ZSCAN26: variants seen among roughly 807,000 people sequenced by gnomAD.
ZSCAN26 encodes zinc finger and SCAN domain-containing protein 26.
In ZSCAN26, 26 loss-of-function variants were observed where a neutral mutation model predicts 23.0. The ratio of observed to expected loss-of-function variants is 1.13; its 90% CI spans 0.83 to 1.57. ZSCAN26 has a LOEUF of 1.57. ZSCAN26 is among the 40% of genes most tolerant of loss of function. The pLI, the probability that ZSCAN26 is intolerant of heterozygous loss-of-function variation, is 0.00. For missense variants in ZSCAN26, 528 were observed against 568.5 expected, an observed-to-expected ratio of 0.93 and a Z score of 0.72; for synonymous variants, 180 against 202.5, an observed-to-expected ratio of 0.89 and a Z score of 0.94.
In ZSCAN26 at chr6:28,272,009, T is replaced by C; in HGVS notation, c.90T>C (p.Ser30=). The C allele has an allele frequency of 6.4e-7, 1 of 1,551,730 alleles. No individual in the cohort carries two copies. Among genetic ancestry groups the C allele is most frequent in the Non-Finnish European group, 8.7e-7 (1 of 1,146,998 alleles). ...GLRVVREDHY[S]TWEQGFKLQG... is the part of the protein sequence containing the mutation. ...GGGTAGTGAGGGAGGATCACTACTC[T>C]ACTTGGGAACAGGGATTCAAGCTGC... The change falls in exon 2 of 4, where the codon TCT becomes TCC. Residue 30 remains serine (S), a synonymous_variant. Coordinates refer to ENST00000421553, the MANE Select transcript of ZSCAN26 (RefSeq NM_001023560.4).
Position 28,276,719 on chromosome 6 carries a change from A to G in ZSCAN26, c.1063A>G (p.Asn355Asp). Residue 355 changes from asparagine to aspartate, a missense_variant, in exon 4 of 4, where the codon AAT (asparagine) becomes GAT (aspartate). Transcript: ENST00000421553. The part of the protein sequence containing the change: ...GKNFRRSSHL[N>D]RHQRIHSQEE... ...AAATTTTAGGCGCAGCTCTCACCTT[A>G]ATCGACATCAGAGAATTCACAGTCA... 3 of 1,613,546 alleles carry G rather than the reference A, an allele frequency of 1.9e-6. No individual in the cohort carries two copies. The African/African-American group carries it at 4.0e-5, about 22-fold the overall frequency.
intron 3 of ZSCAN26, among the ~76,000 whole-genome samples, chr6:28,274,117 A>C (rs192495672): frequency 6.6e-6 from 1 of 151,158 alleles, no homozygotes; most frequent in Admixed American, 6.6e-5. Context: ...AACTAATTAC[A>C]TTATATTGCA....
At position 28,276,461 on chromosome 6, in the gene ZSCAN26, A is replaced by G; in HGVS notation, c.805A>G (p.Ser269Gly). 1 of 1,614,008 alleles carries G rather than the reference A, an allele frequency of 6.2e-7. No homozygotes were observed. Residue 269 changes from serine (S) to glycine (G), a missense_variant, in exon 4 of 4, where the codon AGT (serine) becomes GGT (glycine). Ser to Gly is a moderately conservative substitution (Grantham distance 56). Transcript: ENST00000421553. ...CGAGTCTGATGTGTGTCAGAGTTCC[A>G]GTCTTACAGGACATAAGAAAGTCCT... Reference protein sequence around the residue: ...LCESDVCQSSSLTGHKKVLSR... With the variant: ...LCESDVCQSSGLTGHKKVLSR...
chr6:28,271,177 A>G (rs1201069653), intron 1 of ZSCAN26, among the ~76,000 whole-genome samples: 1 of 151,672 alleles, frequency 6.6e-6, no homozygotes, highest in Non-Finnish European at 1.5e-5. Flanking sequence ...TTCTCCTCCT[A>G]CCTTTCCAGT....
intron 1 of ZSCAN26, among the ~76,000 whole-genome samples, chr6:28,271,266 A>G (rs1428116666): frequency 6.6e-6 from 1 of 152,148 alleles, no homozygotes; most frequent in Non-Finnish European, 1.5e-5. Flanking sequence ...GCCATAACTA[A>G]CTACTACACT....
At chr6:28,274,628 C>A (rs912129165) in intron 3 of ZSCAN26, among the ~76,000 whole-genome samples, 2 of 152,046 alleles carry the variant, frequency 1.3e-5, no homozygotes, top group African/African-American at 4.8e-5. Context: ...TAGTTCTAGC[C>A]ACTTGGGAGG....
At chr6:28,276,162 C>T (rs1382899366) in intron 3 of ZSCAN26, 33 bp from the exon 4 acceptor site, 1 of 1,527,044 alleles carries the variant, frequency 6.5e-7, no homozygotes, top group Admixed American at 2.1e-5. Flanking sequence ...CATCAAAAGA[C>T]AAGTAATTGG....
intron 3 of ZSCAN26, among the ~76,000 whole-genome samples, chr6:28,273,687 ATT>A (rs201094186): frequency 8.0e-5 from 11 of 137,840 alleles, no homozygotes; most frequent in Admixed American, 2.9e-4. Flanking sequence ...CGTCACCTGG[ATT>A]TTTTTTTTTT....
chr6:28,274,600 C>T (rs900473832), intron 3 of ZSCAN26, among the ~76,000 whole-genome samples: 3 of 152,076 alleles, frequency 2.0e-5, no homozygotes, highest in South Asian at 2.1e-4. Flanking sequence ...AATAGCTAGG[C>T]GTGGTGGCAT....
Position 28,272,170 on chromosome 6 carries a change from C to T in ZSCAN26, c.251C>T (p.Thr84Ile). 6.2e-7 allele frequency: 1 copy of T among 1,613,782 alleles called. No homozygotes were observed. ...TGTCAACAGTGGCTACAGCCCGAGA[C>T]CCATACCAAGGAGCAGATCCTGGAG... Reference protein sequence around the residue: ...ELCQQWLQPETHTKEQILELL... With the variant: ...ELCQQWLQPEIHTKEQILELL... The change falls in exon 2 of 4, where the codon ACC (threonine) becomes ATC (isoleucine). Residue 84 changes from threonine (T) to isoleucine (I), a missense_variant. Thr to Ile is a moderately conservative substitution (Grantham distance 89, BLOSUM62 -1). Coordinates refer to ENST00000421553, the MANE Select transcript of ZSCAN26 (RefSeq NM_001023560.4).
intron 1 of ZSCAN26, among the ~76,000 whole-genome samples, chr6:28,268,790 C>T (rs1263655880): frequency 6.6e-6 from 1 of 152,134 alleles, no homozygotes; most frequent in Non-Finnish European, 1.5e-5. Context: ...TATTTAATCA[C>T]ATTATAGAAA....
rs776303495 is a variant in ZSCAN26 at position 28,276,676 on chromosome 6, A to G, written c.1020A>G (p.Leu340=). The G allele has an allele frequency of 3.7e-6, 6 of 1,611,582 alleles. No individual in the cohort carries two copies. In the African/African-American group the frequency reaches 5.3e-5, roughly 14 times the overall value. ...LRIHTGEKPY[L]CIHCGKNFRR... is the part of the protein sequence containing the mutation. Reference sequence around the variant, plus strand: ...TTCATACTGGAGAGAAACCTTATCTATGTATCCATTGTGGAAAAAATTTTA... The same window carrying G: ...TTCATACTGGAGAGAAACCTTATCTGTGTATCCATTGTGGAAAAAATTTTA... Residue 340 remains leucine, a synonymous_variant, in exon 4 of 4, where the codon CTA becomes CTG. Coordinates refer to ENST00000421553, the MANE Select transcript of ZSCAN26 (RefSeq NM_001023560.4).
At chr6:28,271,832 A>T in intron 1 of ZSCAN26, 22 bp from the exon 2 acceptor site, 1 of 1,179,104 alleles carries the variant, frequency 8.5e-7, no homozygotes, top group Non-Finnish European at 1.2e-6. Flanking sequence ...TGTTTCTGTC[A>T]CTCTTGTTAC....
In ZSCAN26 at chr6:28,277,059, A is replaced by G. The variant is rs1171820047; in HGVS notation, c.1403A>G (p.Gln468Arg). The G allele has an allele frequency of 3.7e-6, 6 of 1,613,690 alleles. No individual in the cohort carries two copies. The highest frequency in any genetic ancestry group is 5.1e-6 in the Non-Finnish European group (6 of 1,179,856). The change falls in exon 4 of 4, where the codon CAA (glutamine) becomes CGA (arginine). Residue 468 changes from glutamine to arginine, a missense_variant. Physicochemically the swap from Gln to Arg is conservative, Grantham distance 43. Coordinates refer to ENST00000421553, the MANE Select transcript of ZSCAN26 (RefSeq NM_001023560.4). ...EAFRQRSGLFQHQRYHHKDKL... is the reference protein window; with the variant it reads ...EAFRQRSGLFRHQRYHHKDKL... ...TTCAGGCAAAGGTCAGGTCTTTTTC[A>G]ACATCAGAGATATCACCACAAAGAC... is the stretch of plus-strand genomic sequence containing the variant.
Position 28,276,903 on chromosome 6 carries a change from T to C in ZSCAN26, c.1247T>C (p.Ile416Thr), listed in dbSNP as rs1761970234. The C allele has an allele frequency of 1.2e-6, 2 of 1,613,986 alleles. No homozygotes were observed. Among genetic ancestry groups the C allele is most frequent in the Non-Finnish European group, 1.7e-6 (2 of 1,179,882 alleles). ...TCAGACCTTATTCGACACCACAGAA[T>C]TCATACTGGAGAAAAACCTTTCAAG... Reference protein sequence around the residue: ...LTSDLIRHHRIHTGEKPFKCN... With the variant: ...LTSDLIRHHRTHTGEKPFKCN... Residue 416 changes from isoleucine to threonine, a missense_variant, in exon 4 of 4, where the codon ATT (isoleucine) becomes ACT (threonine). Coordinates refer to ENST00000421553, the MANE Select transcript of ZSCAN26 (RefSeq NM_001023560.4).
chr6:28,273,564 A>C (rs1761806795), intron 3 of ZSCAN26, among the ~76,000 whole-genome samples: 1 of 151,962 alleles, frequency 6.6e-6, no homozygotes, highest in Non-Finnish European at 1.5e-5. Context: ...ACAAAAAAAA[A>C]AACAAGTACT....
chr6:28,272,161 A>C lies in ZSCAN26; in HGVS notation c.242A>C (p.Gln81Pro), dbSNP rs776978602. ...CGGGAGCTCTGTCAACAGTGGCTAC[A>C]GCCCGAGACCCATACCAAGGAGCAG... The part of the protein sequence containing the change: ...RLRELCQQWL[Q>P]PETHTKEQIL... The change falls in exon 2 of 4, where the codon CAG (glutamine) becomes CCG (proline). Residue 81 changes from glutamine (Q) to proline (P), a missense_variant. Transcript: ENST00000421553. 1 of 1,613,460 alleles carries C rather than the reference A, an allele frequency of 6.2e-7. No individual in the cohort carries two copies. Among genetic ancestry groups the C allele is most frequent in the Non-Finnish European group, 8.5e-7 (1 of 1,179,856 alleles).
chr6:28,271,573 C>T (rs1267752779), intron 1 of ZSCAN26, among the ~76,000 whole-genome samples: 1 of 152,102 alleles, frequency 6.6e-6, no homozygotes, highest in Admixed American at 6.6e-5. Context: ...AAGCAGTCTT[C>T]CCACCTCAGC....
chr6:28,272,446 A>G lies in ZSCAN26; in HGVS notation c.420+107A>G, dbSNP rs148924517. ...AAGGAGAATTACTAAGCTTTGATTC[A>G]GTTTTTTTCCAGTCTAGCTGTTAAT... On this transcript the variant is annotated intron_variant, in intron 2 of 3. Coordinates refer to ENST00000421553, the MANE Select transcript of ZSCAN26 (RefSeq NM_001023560.4). 333 of 1,347,424 alleles carry G rather than the reference A, an allele frequency of 2.5e-4. 5 individuals carry two copies. The East Asian group carries it at 8.2e-3, about 33-fold the overall frequency. The allele number at this position is 1,347,424 out of a possible 1,614,324, so 83.5% of individuals were successfully genotyped here. A position where few individuals can be genotyped will look rare whatever the true frequency, so the allele number is the denominator to read the frequency against.
Sources: gnomAD v4.1 joint callset for allele counts (sites outside exome capture counted in the v4.1 genomes callset) on GRCh38, gnomAD v4.1.1 for gene constraint, MANE v1.5 for transcripts, NCBI Gene and HGNC (gene_info 2026-07-23, HGNC 2026-07-21) for gene names.